GARRE1: variants seen among roughly 807,000 people sequenced by gnomAD.
The protein encoded by GARRE1 is granule associated Rac and RHOG effector 1, also known as granule associated Rac and RHOG effector protein 1.
Under a neutral mutation model 103.2 loss-of-function variants are expected in GARRE1, and 49 were observed. The observed-to-expected ratio is 0.47, with a 90% confidence interval of 0.38 to 0.60. The LOEUF (loss-of-function observed/expected upper bound fraction) is 0.60. Ranked by LOEUF, GARRE1 falls within the 20% of genes least tolerant of loss-of-function variation. The pLI, the probability that GARRE1 is intolerant of heterozygous loss-of-function variation, is 0.00. For synonymous variants in GARRE1, 505 were observed against 532.8 expected, an observed-to-expected ratio of 0.95 and a Z score of 0.72; for missense variants, 1,199 against 1,370.5, an observed-to-expected ratio of 0.87 and a Z score of 1.98.
chr19:34,345,744 C>T (rs1448634483), intron 10 of GARRE1, among the ~76,000 whole-genome samples: 1 of 152,222 alleles, frequency 6.6e-6, no homozygotes, highest in African/African-American at 2.4e-5. Context: ...ATTACTTGAA[C>T]CCAGGAGGCA....
At chr19:34,320,851 T>C (rs1388253352) in intron 3 of GARRE1, among the ~76,000 whole-genome samples, 1 of 150,808 alleles carries the variant, frequency 6.6e-6, no homozygotes, top group Non-Finnish European at 1.5e-5. Flanking sequence ...CTCTTCCAAG[T>C]AGCTGGGACT....
chr19:34,281,351 T>C (rs1301232686), intron 1 of GARRE1, among the ~76,000 whole-genome samples: 5 of 152,162 alleles, frequency 3.3e-5, no homozygotes, highest in Non-Finnish European at 7.4e-5. Context: ...AGTGCAGTGG[T>C]GTGATCTCAG....
At chr19:34,282,064 C>A (rs2073857603) in intron 1 of GARRE1, among the ~76,000 whole-genome samples, 1 of 152,160 alleles carries the variant, frequency 6.6e-6, no homozygotes, top group Non-Finnish European at 1.5e-5. Flanking sequence ...CATTTTATTT[C>A]TTCTCGTTTT....
At chr19:34,287,978 T>G (rs1490811612) in intron 1 of GARRE1, among the ~76,000 whole-genome samples, 2 of 152,198 alleles carry the variant, frequency 1.3e-5, no homozygotes, top group Non-Finnish European at 2.9e-5. Context: ...TCAGTTCTGA[T>G]GCTGTGGTCT....
At chr19:34,335,877 T>C (rs951758363) in intron 8 of GARRE1, among the ~76,000 whole-genome samples, 15 of 152,218 alleles carry the variant, frequency 9.9e-5, no homozygotes, top group African/African-American at 3.6e-4. Flanking sequence ...CAAAAGTGTT[T>C]AGAGTCTATG....
chr19:34,264,455 G>A (rs1418536019), intron 1 of GARRE1, among the ~76,000 whole-genome samples: 3 of 151,968 alleles, frequency 2.0e-5, no homozygotes, highest in African/African-American at 7.3e-5. Flanking sequence ...CTAGAATGCA[G>A]TGGCATGATC....
Position 34,352,648 on chromosome 19 carries a change from A to C in GARRE1, c.2906A>C (p.Asp969Ala). ...LLTTVEDVNQ[D>A]NKTKTWPPKA... ...TAAGAACTCTCTTTTGTTTCTCAGGATAACAAAACCAAAACGTGGCCACCC... is the reference window on the plus strand; with the variant it reads ...TAAGAACTCTCTTTTGTTTCTCAGGCTAACAAAACCAAAACGTGGCCACCC... The change falls in exon 14 of 14, where the codon GAT (aspartate) becomes GCT (alanine). Residue 969 changes from aspartate (D) to alanine (A), a missense_variant and splice_region_variant. By Grantham distance (126) the Asp-to-Ala change is moderately radical. Transcript: ENST00000299505. The C allele has an allele frequency of 6.2e-7, 1 of 1,607,218 alleles. No individual in the cohort carries two copies. Among genetic ancestry groups the C allele is most frequent in the Non-Finnish European group, 8.5e-7 (1 of 1,174,370 alleles).
intron 2 of GARRE1, among the ~76,000 whole-genome samples, chr19:34,307,935 A>G (rs1002449505): frequency 9.3e-5 from 14 of 150,876 alleles, no homozygotes; most frequent in Non-Finnish European, 1.8e-4. Flanking sequence ...AGCTGAGACT[A>G]CAAGTATGTA....
In GARRE1 at chr19:34,352,989, TGCCC is replaced by T; in HGVS notation, c.*39_*42del. The T allele has an allele frequency of 7.9e-7, 1 of 1,268,236 alleles. No homozygotes were observed. The highest frequency in any genetic ancestry group is 1.0e-6 in the Non-Finnish European group (1 of 952,748). 78.6% of individuals were successfully genotyped at this position (1,268,236 alleles called of 1,614,324 possible). A position where few individuals can be genotyped will look rare whatever the true frequency, so the allele number is the denominator to read the frequency against. On this transcript the variant is annotated 3_prime_UTR_variant, in exon 14 of 14. Coordinates refer to ENST00000299505, the MANE Select transcript of GARRE1 (RefSeq NM_014686.5). ...CAGCCAGCCTGCCTGCCTGCCTGCCTGCCCGCCCAGAGCTGTGGGGATGAGTGTC... is the reference window on the plus strand; with the variant it reads ...CAGCCAGCCTGCCTGCCTGCCTGCCTGCCCAGAGCTGTGGGGATGAGTGTC...
intron 3 of GARRE1, among the ~76,000 whole-genome samples, chr19:34,325,955 C>T (rs2074109863): frequency 6.6e-6 from 1 of 152,186 alleles, no homozygotes; most frequent in Non-Finnish European, 1.5e-5. Flanking sequence ...TTCTGGGTGT[C>T]TAGGACATTC....
At chr19:34,352,217 C>T (rs773200908) in intron 13 of GARRE1, among the ~76,000 whole-genome samples, 1 of 151,982 alleles carries the variant, frequency 6.6e-6, no homozygotes, top group Non-Finnish European at 1.5e-5. Context: ...TCCTGGCTAA[C>T]ACGGTGAAAT....
At position 34,333,688 on chromosome 19, in the gene GARRE1, T is replaced by C; in HGVS notation, c.1264-16T>C. The C allele has an allele frequency of 1.5e-6, 2 of 1,318,084 alleles. No homozygotes were observed. Among genetic ancestry groups the C allele is most frequent in the Admixed American group, 2.1e-5 (1 of 47,320 alleles). 81.6% of individuals were successfully genotyped at this position (1,318,084 alleles called of 1,614,324 possible). The stretch of plus-strand genomic sequence containing the variant: ...GCTGGTTGTTATTTGTTTTTTTTTT[T>C]TTTTTTCGATCTTAGGTGGTGGTTG... On this transcript the variant is annotated splice_polypyrimidine_tract_variant and intron_variant, in intron 7 of 13. Transcript: ENST00000299505.
intron 1 of GARRE1, among the ~76,000 whole-genome samples, chr19:34,258,429 T>G (rs1015373080): frequency 7.2e-5 from 11 of 152,090 alleles, no homozygotes; most frequent in Non-Finnish European, 1.2e-4. Context: ...GGTCAATTCT[T>G]TTTCTCCTGT....
Position 34,300,627 on chromosome 19 carries a change from GC to G in GARRE1, c.160del (p.Leu54TrpfsTer4). 6.2e-7 allele frequency: 1 copy of G among 1,613,620 alleles called. No homozygotes were observed. Among genetic ancestry groups the G allele is most frequent in the Non-Finnish European group, 8.5e-7 (1 of 1,180,030 alleles). On this transcript the variant is annotated frameshift_variant, in exon 2 of 14. Coordinates refer to ENST00000299505, the MANE Select transcript of GARRE1 (RefSeq NM_014686.5). LOFTEE classifies it high-confidence loss of function. Reference protein sequence around the residue: ...SAPLASTATTAPLGSLTAAGS... With the variant: ...SAPLASTATTXPLGSLTAAGS... ...TCCCCTGGCATCCACGGCCACCACT[GC>G]CCCCCTGGGCAGTCTGACCGCTGCA...
intron 1 of GARRE1, among the ~76,000 whole-genome samples, chr19:34,265,907 G>C (rs1171541768): frequency 6.6e-6 from 1 of 152,202 alleles, no homozygotes; most frequent in Non-Finnish European, 1.5e-5. Flanking sequence ...TATTTACTAA[G>C]AGCAGGAATT....
At chr19:34,314,886 G>A (rs1393511450) in intron 2 of GARRE1, among the ~76,000 whole-genome samples, 1 of 152,122 alleles carries the variant, frequency 6.6e-6, no homozygotes, top group East Asian at 1.9e-4. Flanking sequence ...ATGCATTTAG[G>A]TCTTTGTGTC....
chr19:34,274,052 A>C (rs1311936929), intron 1 of GARRE1, among the ~76,000 whole-genome samples: 2 of 152,086 alleles, frequency 1.3e-5, no homozygotes, highest in African/African-American at 2.4e-5. Flanking sequence ...GCAGGAGGTA[A>C]AAACAGTAGC....
chr19:34,353,196 G>T lies in GARRE1; in HGVS notation c.*241G>T, dbSNP rs2074250141. 4 of 502,706 alleles carry T rather than the reference G, an allele frequency of 8.0e-6. No individual in the cohort carries two copies. The highest frequency in any genetic ancestry group is 6.8e-5 in the Admixed American group (2 of 29,212). 31.1% of individuals were successfully genotyped at this position (502,706 alleles called of 1,614,324 possible). A position where few individuals can be genotyped will look rare whatever the true frequency, so the allele number is the denominator to read the frequency against. Reference sequence around the variant, plus strand: ...TGGAGACACAGGCGTCTGGCCTTCAGGGGCTTGCTAGGGAACCTGCATGCC... The same window carrying T: ...TGGAGACACAGGCGTCTGGCCTTCATGGGCTTGCTAGGGAACCTGCATGCC... On this transcript the variant is annotated 3_prime_UTR_variant, in exon 14 of 14. Transcript: ENST00000299505.
chr19:34,277,477 C>T (rs1480710579), intron 1 of GARRE1, among the ~76,000 whole-genome samples: 2 of 152,172 alleles, frequency 1.3e-5, no homozygotes, highest in Admixed American at 1.3e-4. Flanking sequence ...TTTGGAGTTT[C>T]TCTGTCTCTC....
Sources: gnomAD v4.1 joint callset for allele counts (sites outside exome capture counted in the v4.1 genomes callset) on GRCh38, gnomAD v4.1.1 for gene constraint, MANE v1.5 for transcripts, NCBI Gene and HGNC (gene_info 2026-07-23, HGNC 2026-07-21) for gene names.